The following AAK1 variants were observed in gnomAD, a reference collection of about 807,000 sequenced individuals.
AAK1 encodes the protein AP2-associated protein kinase 1.
A neutral mutation model predicts 116.0 loss-of-function variants in AAK1; 37 were observed. The ratio of observed to expected loss-of-function variants is 0.32; its 90% CI spans 0.25 to 0.42. The LOEUF is 0.42. Among genes scored for constraint, AAK1 ranks in the 10% least tolerant of loss-of-function variants. The pLI is 1.00. For missense variants in AAK1, 919 were observed against 1,170.6 expected, an observed-to-expected ratio of 0.79 and a Z score of 3.14; for synonymous variants, 458 against 439.9, an observed-to-expected ratio of 1.04 and a Z score of -0.51.
chr2:69,638,318 A>G (rs1174011361), intron 2 of AAK1, among the ~76,000 whole-genome samples: 1 of 152,220 alleles, frequency 6.6e-6, no homozygotes, highest in Non-Finnish European at 1.5e-5. Flanking sequence ...CCTTTCGGTA[A>G]CACTGGTCAT....
chr2:69,588,274 C>T (rs910119635), intron 2 of AAK1, among the ~76,000 whole-genome samples: 1 of 152,202 alleles, frequency 6.6e-6, no homozygotes, highest in Non-Finnish European at 1.5e-5. Flanking sequence ...AAATGTTCAT[C>T]CCTGTCTCCT....
chr2:69,498,497 C>T (rs1450273398), intron 16 of AAK1, among the ~76,000 whole-genome samples: 1 of 152,132 alleles, frequency 6.6e-6, no homozygotes, highest in Non-Finnish European at 1.5e-5. Context: ...AGTGGCTGAC[C>T]GGGCCTCTTT....
chr2:69,607,800 A>C (rs1195803740), intron 2 of AAK1, among the ~76,000 whole-genome samples: 3 of 152,190 alleles, frequency 2.0e-5, no homozygotes, highest in Non-Finnish European at 4.4e-5. Context: ...ATTAGCCATG[A>C]CCACTCAGCT....
At chr2:69,524,477 C>T (rs1031372455) in intron 10 of AAK1, among the ~76,000 whole-genome samples, 7 of 151,848 alleles carry the variant, frequency 4.6e-5, no homozygotes, top group Admixed American at 3.3e-4. Flanking sequence ...CTCTGTCGCC[C>T]GGGCTAGAGT....
Position 69,459,201 on chromosome 2 carries a change from C to T in AAK1, c.*16668G>A, listed in dbSNP as rs550714092. The T allele has an allele frequency of 1.3e-5, 2 of 152,344 alleles. No homozygotes were observed. Among genetic ancestry groups the T allele is most frequent in the South Asian group, 4.1e-4 (2 of 4,824 alleles). 9.4% of individuals were successfully genotyped at this position (152,344 alleles called of 1,614,324 possible). A position where few individuals can be genotyped will look rare whatever the true frequency, so the allele number is the denominator to read the frequency against. On this transcript the variant is annotated 3_prime_UTR_variant, in exon 22 of 22. Coordinates refer to ENST00000409085, the MANE Select transcript of AAK1 (RefSeq NM_014911.5). ...AGAGTAAGGCTGGGGTCCTGCCAAC[C>T]TTCCTTCATCCTTTCTTCTAGTTCA...
intron 2 of AAK1, among the ~76,000 whole-genome samples, chr2:69,607,748 C>T (rs1338891370): frequency 6.6e-6 from 1 of 152,162 alleles, no homozygotes; most frequent in Non-Finnish European, 1.5e-5. Context: ...CCCAATCAAT[C>T]AGGCCAGTGG....
intron 2 of AAK1, among the ~76,000 whole-genome samples, chr2:69,634,347 T>C (rs1323328029): frequency 6.6e-6 from 1 of 152,218 alleles, no homozygotes; most frequent in Non-Finnish European, 1.5e-5. Flanking sequence ...AGCCACTGCT[T>C]CCTCATCTGT....
chr2:69,504,736 C>T (rs1676114088), intron 16 of AAK1, among the ~76,000 whole-genome samples: 1 of 152,144 alleles, frequency 6.6e-6, no homozygotes, highest in Non-Finnish European at 1.5e-5. Context: ...CATTGCACTC[C>T]AGCCTGGGCA....
At chr2:69,564,665 T>A (rs1003911660) in intron 2 of AAK1, among the ~76,000 whole-genome samples, 9 of 152,196 alleles carry the variant, frequency 5.9e-5, no homozygotes, top group Admixed American at 5.9e-4. Flanking sequence ...TAAGTTCGAA[T>A]CCTGGCTCAG....
At chr2:69,569,886 G>A (rs570048500) in intron 2 of AAK1, among the ~76,000 whole-genome samples, 18 of 152,220 alleles carry the variant, frequency 1.2e-4, no homozygotes, top group Non-Finnish European at 2.4e-4. Flanking sequence ...GGATGGACAC[G>A]TGGGTTATTT....
chr2:69,515,623 C>G (rs1440286197), intron 12 of AAK1, among the ~76,000 whole-genome samples: 1 of 152,198 alleles, frequency 6.6e-6, no homozygotes, highest in Non-Finnish European at 1.5e-5. Context: ...GCCACTGTAT[C>G]TGGCCCACAC....
At position 69,555,553 on chromosome 2, in the gene AAK1, T is replaced by C. The variant is rs78884686; in HGVS notation, c.282+1307A>G. On this transcript the variant is annotated intron_variant, in intron 3 of 21. Coordinates refer to ENST00000409085, the MANE Select transcript of AAK1 (RefSeq NM_014911.5). ...TCCCTTTCTGCTCTTTAAAAAGCAT[T>C]AAAATCCAGGGCATAAAAGGAATCA... Among the ~76,000 whole-genome samples the C allele has an allele frequency of 4.7e-3, 719 of 152,306 alleles. 4 individuals carry two copies. Among genetic ancestry groups the C allele is most frequent in the Middle Eastern group, 0.031 (9 of 294 alleles).
intron 6 of AAK1, chr2:69,531,489 G>A: frequency 1.4e-6 from 1 of 733,490 alleles, no homozygotes; most frequent in Non-Finnish European, 1.7e-6. Flanking sequence ...CCAACATTGT[G>A]GACATGAGGA....
Position 69,467,912 on chromosome 2 carries a change from A to G in AAK1, c.*7957T>C, listed in dbSNP as rs996538502. The G allele has an allele frequency of 1.0e-5, 10 of 985,234 alleles. No homozygotes were observed. The highest frequency in any genetic ancestry group is 2.3e-4 in the East Asian group (2 of 8,832). The allele number at this position is 985,234 out of a possible 1,614,324, so 61.0% of individuals were successfully genotyped here. Reference sequence around the variant, plus strand: ...AAAATACTATGTTTCTCTGAATCCTATAACTTTTTAGCAGTGCTTCTTTTT... The same window carrying G: ...AAAATACTATGTTTCTCTGAATCCTGTAACTTTTTAGCAGTGCTTCTTTTT... On this transcript the variant is annotated 3_prime_UTR_variant, in exon 22 of 22. Coordinates refer to ENST00000409085, the MANE Select transcript of AAK1 (RefSeq NM_014911.5).
At position 69,467,794 on chromosome 2, in the gene AAK1, A is replaced by G; in HGVS notation, c.*8075T>C. On this transcript the variant is annotated 3_prime_UTR_variant, in exon 22 of 22. Transcript: ENST00000409085. ...CACAGACCACAGCAGAAGAGGCATT[A>G]AAATCAGTTTATTGGGAAACCAGTC... The G allele has an allele frequency of 1.0e-6, 1 of 985,436 alleles. No individual in the cohort carries two copies. Among genetic ancestry groups the G allele is most frequent in the East Asian group, 1.1e-4 (1 of 8,824 alleles). 61.0% of individuals were successfully genotyped at this position (985,436 alleles called of 1,614,324 possible). A position where few individuals can be genotyped will look rare whatever the true frequency, so the allele number is the denominator to read the frequency against.
At chr2:69,505,483 T>C (rs1676148094) in intron 16 of AAK1, 86 bp downstream of exon 16, 1 of 965,956 alleles carries the variant, frequency 1.0e-6, no homozygotes, top group Non-Finnish European at 1.6e-6. Context: ...TGGATTTCAC[T>C]GGCATGCTAG....
chr2:69,543,211 A>G lies in AAK1; in HGVS notation c.392-546T>C, dbSNP rs148867573. On this transcript the variant is annotated intron_variant, in intron 4 of 21. Coordinates refer to ENST00000409085, the MANE Select transcript of AAK1 (RefSeq NM_014911.5). Reference sequence around the variant, plus strand: ...GATTGATGACCTCACTTACAACATTATCCAGATGCCTGGATGCTCCTACTG... The same window carrying G: ...GATTGATGACCTCACTTACAACATTGTCCAGATGCCTGGATGCTCCTACTG... Among the ~76,000 whole-genome samples the G allele has an allele frequency of 3.9e-5, 6 of 152,308 alleles. No homozygotes were observed. The East Asian group carries it at 1.2e-3, about 29-fold the overall frequency.
intron 20 of AAK1, 197 bp downstream of exon 20, chr2:69,478,754 G>A (rs7583591): frequency 0.14 from 67,039 of 472,494 alleles, 5,502 homozygotes; most frequent in Non-Finnish European, 0.17. Flanking sequence ...ACAACTGGCC[G>A]GTCGTCTAAG....
In AAK1 at chr2:69,471,270, A is replaced by G; in HGVS notation, c.*4599T>C. Reference sequence around the variant, plus strand: ...TCTTTGCATAGGTTAGCATTACCCAAGGAGCCTCCCTATCCCGTATTAGTG... The same window carrying G: ...TCTTTGCATAGGTTAGCATTACCCAGGGAGCCTCCCTATCCCGTATTAGTG... On this transcript the variant is annotated 3_prime_UTR_variant, in exon 22 of 22. Coordinates refer to ENST00000409085, the MANE Select transcript of AAK1 (RefSeq NM_014911.5). 1.0e-6 allele frequency: 1 copy of G among 985,474 alleles called. No individual in the cohort carries two copies. Among genetic ancestry groups the G allele is most frequent in the South Asian group, 4.7e-5 (1 of 21,292 alleles). The allele number at this position is 985,474 out of a possible 1,614,324, so 61.0% of individuals were successfully genotyped here. A position where few individuals can be genotyped will look rare whatever the true frequency, so the allele number is the denominator to read the frequency against.
Sources: allele counts gnomAD v4.1 joint callset (sites outside exome capture counted in the v4.1 genomes callset), GRCh38; gene constraint gnomAD v4.1.1; transcripts MANE v1.5; gene names NCBI Gene and HGNC (gene_info 2026-07-23, HGNC 2026-07-21).